The following NUBPL variants were observed in gnomAD, a reference collection of about 807,000 sequenced individuals.
The protein encoded by NUBPL is NUBP iron-sulfur cluster assembly factor, mitochondrial, also known as iron-sulfur cluster transfer protein NUBPL.
NUBPL carries 31 observed loss-of-function variants against 45.7 expected under a neutral mutation model. That is an observed-to-expected ratio of 0.68 (90% CI 0.51 to 0.92). The LOEUF (loss-of-function observed/expected upper bound fraction) is 0.92. Ranked by LOEUF, NUBPL falls within the 40% of genes least tolerant of loss-of-function variation. The probability of loss-of-function intolerance (pLI) is 0.00; values close to 1 mark genes in which losing one functional copy is unlikely to be tolerated. For synonymous variants in NUBPL, 144 were observed against 140.9 expected (o/e 1.02, Z -0.15); for missense variants, 401 against 398.7 (o/e 1.01, Z -0.05).
chr14:31,742,001 A>G (rs1303251856), intron 6 of NUBPL, among the ~76,000 whole-genome samples: 1 of 152,102 alleles, frequency 6.6e-6, no homozygotes, highest in African/African-American at 2.4e-5. Flanking sequence ...AATAGGAGGC[A>G]ACCTAAAATA....
chr14:31,630,157 A>G (rs1206378644), intron 4 of NUBPL, among the ~76,000 whole-genome samples: 1 of 152,114 alleles, frequency 6.6e-6, no homozygotes, highest in Admixed American at 6.5e-5. Context: ...TGGGAGAGCA[A>G]AAGACTTGTG....
At chr14:31,662,652 C>T (rs186049568) in intron 4 of NUBPL, among the ~76,000 whole-genome samples, 1 of 152,170 alleles carries the variant, frequency 6.6e-6, no homozygotes, top group Non-Finnish European at 1.5e-5. Flanking sequence ...GACATGAACT[C>T]ATCCTTTTTA....
At chr14:31,747,505 G>T (rs2038428110) in intron 6 of NUBPL, among the ~76,000 whole-genome samples, 1 of 152,076 alleles carries the variant, frequency 6.6e-6, no homozygotes, top group Non-Finnish European at 1.5e-5. Context: ...TTATTGGCCT[G>T]CTCAGGTTTG....
chr14:31,859,971 T>C lies in NUBPL; in HGVS notation c.*791T>C, dbSNP rs2040686213. 1 of 152,156 alleles carries C rather than the reference T, an allele frequency of 6.6e-6. No homozygotes were observed. Among genetic ancestry groups the C allele is most frequent in the Non-Finnish European group, 1.5e-5 (1 of 68,092 alleles). 9.4% of individuals were successfully genotyped at this position (152,156 alleles called of 1,614,324 possible). A position where few individuals can be genotyped will look rare whatever the true frequency, so the allele number is the denominator to read the frequency against. On this transcript the variant is annotated 3_prime_UTR_variant, in exon 11 of 11. Transcript: ENST00000281081. ...TGAACTTGAGTAATTCGATATTAGA[T>C]TCATCTTTTTGTACACCAATGTGCT...
At chr14:31,738,640 C>G in intron 6 of NUBPL, among the ~76,000 whole-genome samples, 1 of 152,060 alleles carries the variant, frequency 6.6e-6, no homozygotes, top group East Asian at 1.9e-4. Context: ...CAACATAAAA[C>G]AAAAGGTTTT....
chr14:31,769,205 C>A (rs1377749224), intron 6 of NUBPL, among the ~76,000 whole-genome samples: 1 of 152,154 alleles, frequency 6.6e-6, no homozygotes, highest in African/African-American at 2.4e-5. Context: ...CAATAGCAAG[C>A]AGTTTCAGGA....
intron 7 of NUBPL, among the ~76,000 whole-genome samples, chr14:31,809,383 G>A (rs936629358): frequency 2.0e-5 from 3 of 152,144 alleles, no homozygotes; most frequent in African/African-American, 7.2e-5. Flanking sequence ...ATTTCTTCTA[G>A]ACTTTCTAGT....
At chr14:31,785,508 C>T (rs1258624981) in intron 6 of NUBPL, among the ~76,000 whole-genome samples, 1 of 152,170 alleles carries the variant, frequency 6.6e-6, no homozygotes, top group Non-Finnish European at 1.5e-5. Context: ...TCGCTTGAAT[C>T]ATCCTGAAAC....
rs1555338209 is a variant in NUBPL at position 31,787,792 on chromosome 14, C to T, written c.526C>T (p.Gln176Ter). 1 of 1,610,324 alleles carries T rather than the reference C, an allele frequency of 6.2e-7. No homozygotes were observed. The highest frequency in any genetic ancestry group is 1.7e-4 in the Middle Eastern group (1 of 6,044). ...GTCATCTTTTTAGGTAGATTGGGGT[C>T]AACTGGACTACTTAGTTGTAGACAT... ...EKLLRQVDWG[Q>*]LDYLVVDMPP... is the part of the protein sequence containing the mutation. The change falls in exon 7 of 11, where the codon CAA (glutamine) becomes TAA (stop). Residue 176 changes from glutamine (Q) to a stop codon, truncating the protein, a stop_gained. Coordinates refer to ENST00000281081, the MANE Select transcript of NUBPL (RefSeq NM_025152.3). LOFTEE classifies it high-confidence loss of function.
Position 31,599,097 on chromosome 14 carries a change from AC to A in NUBPL, c.292-189del. On this transcript the variant is annotated intron_variant, in intron 3 of 10. Transcript: ENST00000281081. ...TATTAGTAAATCGTAAAAAGTATTG[AC>A]CCTAAGCAATTTATGCTCTTTTACT... 5 of 616,212 alleles carry A rather than the reference AC, an allele frequency of 8.1e-6. No homozygotes were observed. The South Asian group carries it at 9.4e-5, about 12-fold the overall frequency. The allele number at this position is 616,212 out of a possible 1,614,324, so 38.2% of individuals were successfully genotyped here. A position where few individuals can be genotyped will look rare whatever the true frequency, so the allele number is the denominator to read the frequency against.
chr14:31,740,913 A>G (rs917910865), intron 6 of NUBPL, among the ~76,000 whole-genome samples: 3 of 152,220 alleles, frequency 2.0e-5, no homozygotes, highest in African/African-American at 7.2e-5. Context: ...TATGTCCATC[A>G]AAGGCATTGT....
chr14:31,684,647 T>C (rs1336289313), intron 6 of NUBPL, among the ~76,000 whole-genome samples: 1 of 152,210 alleles, frequency 6.6e-6, no homozygotes, highest in Non-Finnish European at 1.5e-5. Context: ...TATTTATCTT[T>C]GGTTTAAGAT....
intron 6 of NUBPL, among the ~76,000 whole-genome samples, chr14:31,754,930 T>A (rs1042963447): frequency 1.4e-4 from 17 of 120,818 alleles, no homozygotes; most frequent in African/African-American, 6.3e-4. Context: ...TTCCCATCTA[T>A]GAGTGAGAAC....
At chr14:31,748,095 AT>A in intron 6 of NUBPL, among the ~76,000 whole-genome samples, 1 of 152,202 alleles carries the variant, frequency 6.6e-6, no homozygotes, top group South Asian at 2.1e-4. Context: ...ATTTCCCTGT[AT>A]TTGTACTATT....
intron 6 of NUBPL, among the ~76,000 whole-genome samples, chr14:31,734,454 AATGAGAAATGAG>A (rs1443931675): frequency 6.6e-6 from 1 of 152,232 alleles, no homozygotes; most frequent in Non-Finnish European, 1.5e-5. Context: ...CTGGAAATGA[AATGAGAAATGAG>A]AAAGCTTCAA....
chr14:31,637,182 G>A lies in NUBPL; in HGVS notation c.383-36173G>A, dbSNP rs561320241. ...TCTAGTTCTTTTAATTGTGATGTTA[G>A]GGTGTCAATTTTGGATCTTTCCTGC... is the stretch of plus-strand genomic sequence containing the variant. On this transcript the variant is annotated intron_variant, in intron 4 of 10. Transcript: ENST00000281081. Among the ~76,000 whole-genome samples, 1,511 of 152,126 alleles carry A rather than the reference G, an allele frequency of 9.9e-3. 103 individuals carry two copies. Among genetic ancestry groups the A allele is most frequent in the Admixed American group, 0.089 (1,359 of 15,276 alleles).
chr14:31,565,308 T>C (rs2033408081), intron 3 of NUBPL, among the ~76,000 whole-genome samples: 3 of 152,186 alleles, frequency 2.0e-5, no homozygotes, highest in African/African-American at 7.2e-5. Flanking sequence ...CAATTTTGCC[T>C]TTATGATTTA....
At chr14:31,840,731 A>C (rs1045572258) in intron 8 of NUBPL, among the ~76,000 whole-genome samples, 3 of 152,192 alleles carry the variant, frequency 2.0e-5, no homozygotes, top group African/African-American at 7.2e-5. Context: ...ATAGAGGTAG[A>C]GAGTAGAATG....
chr14:31,688,683 GT>G (rs2037023041), intron 6 of NUBPL, among the ~76,000 whole-genome samples: 1 of 121,076 alleles, frequency 8.3e-6, no homozygotes, highest in Non-Finnish European at 1.5e-5. Flanking sequence ...TAACTTTTAG[GT>G]TCAGGGGTTC....
Sources: allele counts gnomAD v4.1 joint callset (sites outside exome capture counted in the v4.1 genomes callset), GRCh38; gene constraint gnomAD v4.1.1; transcripts MANE v1.5; gene names NCBI Gene and HGNC (gene_info 2026-07-23, HGNC 2026-07-21).